LAMC1: variants seen among roughly 807,000 people sequenced by gnomAD.
LAMC1 encodes laminin subunit gamma-1.
In LAMC1, 38 loss-of-function variants were observed where a neutral mutation model predicts 173.6. The observed-to-expected ratio is 0.22, with a 90% CI of 0.17 to 0.29. The LOEUF (loss-of-function observed/expected upper bound fraction) is 0.29. LAMC1 is among the 10% of genes least tolerant of loss of function. The pLI is 1.00. For missense variants in LAMC1, 1,824 were observed against 2,051.8 expected (o/e 0.89, Z 2.14); for synonymous variants, 746 against 749.1 (o/e 1.00, Z 0.07).
At chr1:183,119,172 C>T (rs1233467768) in intron 11 of LAMC1, among the ~76,000 whole-genome samples, 2 of 152,136 alleles carry the variant, frequency 1.3e-5, no homozygotes, top group Non-Finnish European at 2.9e-5. Context: ...GCTGGGATTA[C>T]AGGCATGAGC....
At chr1:183,103,695 T>A in intron 2 of LAMC1, 63 bp downstream of exon 2, 1 of 1,426,772 alleles carries the variant, frequency 7.0e-7, no homozygotes. Context: ...GTGGGAAGAT[T>A]ATTGTAGTGG....
intron 1 of LAMC1, among the ~76,000 whole-genome samples, chr1:183,031,171 T>C (rs1353050891): frequency 6.6e-6 from 1 of 152,238 alleles, no homozygotes; most frequent in East Asian, 1.9e-4. Context: ...GCATACTGTT[T>C]CTTTAGGATA....
rs1656986894 is a variant in LAMC1 at position 183,137,735 on chromosome 1, G to A, written c.4381G>A (p.Val1461Met). 1.2e-6 allele frequency: 2 copies of A among 1,612,246 alleles called. No homozygotes were observed. Among genetic ancestry groups the A allele is most frequent in the Admixed American group, 1.7e-5 (1 of 59,722 alleles). ...AGAAGTTACAGATCTGGATAATGAG[G>A]TGAACAATATGTTGAAGCAACTGCA... ...FAEVTDLDNE[V>M]NNMLKQLQEA... Residue 1461 changes from valine (V) to methionine (M), a missense_variant, in exon 26 of 28, where the codon GTG becomes ATG. Val to Met is a conservative substitution (Grantham distance 21, BLOSUM62 1). Transcript: ENST00000258341.
At chr1:183,099,342 G>A (rs983779095) in intron 1 of LAMC1, among the ~76,000 whole-genome samples, 2 of 151,946 alleles carry the variant, frequency 1.3e-5, no homozygotes, top group African/African-American at 4.8e-5. Context: ...TGCCTGCCTC[G>A]GCCTCCCAAA....
At chr1:183,029,240 T>C (rs1653782052) in intron 1 of LAMC1, among the ~76,000 whole-genome samples, 1 of 152,202 alleles carries the variant, frequency 6.6e-6, no homozygotes, top group Admixed American at 6.5e-5. Context: ...ATCCAGACAC[T>C]ATGTGTCTTG....
rs1656945787 is a variant in LAMC1 at position 183,136,502 on chromosome 1, G to T, written c.4231G>T (p.Ala1411Ser). The change falls in exon 25 of 28, where the codon GCC becomes TCC. Residue 1411 changes from alanine to serine, a missense_variant. Coordinates refer to ENST00000258341, the MANE Select transcript of LAMC1 (RefSeq NM_002293.4). ...ANEKTREAQQ[A>S]LGSAAADATE... ...TGAAAAGACCAGAGAAGCCCAGCAG[G>T]CCCTGGGCAGTGCTGCGGCGGATGC... The T allele has an allele frequency of 6.2e-7, 1 of 1,614,014 alleles. No homozygotes were observed. Among genetic ancestry groups the T allele is most frequent in the South Asian group, 1.1e-5 (1 of 91,086 alleles).
At position 183,024,123 on chromosome 1, in the gene LAMC1, C is replaced by T; in HGVS notation, c.407C>T (p.Thr136Met). 3.1e-6 allele frequency: 5 copies of T among 1,587,340 alleles called. No individual in the cohort carries two copies. The highest frequency in any genetic ancestry group is 2.3e-5 in the East Asian group (1 of 43,234). The change falls in exon 1 of 28, where the codon ACG becomes ATG. Residue 136 changes from threonine (T) to methionine (M), a missense_variant. Transcript: ENST00000258341. ...CAGTACCCCAGCTCCATCAACCTCA[C>T]GCTGCACCTGGGTAAGCGGTGACAG... is the stretch of plus-strand genomic sequence containing the variant. ...GVQYPSSINL[T>M]LHLGKAFDIT... is the part of the protein sequence containing the mutation.
intron 11 of LAMC1, 80 bp downstream of exon 11, chr1:183,118,226 T>C: frequency 2.5e-6 from 2 of 803,710 alleles, no homozygotes; most frequent in Non-Finnish European, 4.2e-6. Flanking sequence ...AAAGTTTCTC[T>C]TTCCTAATAA....
chr1:183,028,727 G>GT (rs1255566999), intron 1 of LAMC1, among the ~76,000 whole-genome samples: 90 of 152,266 alleles, frequency 5.9e-4, no homozygotes, highest in Non-Finnish European at 2.4e-4. Flanking sequence ...GGTTTTCCTT[G>GT]TTTTTTCTTC....
chr1:183,108,161 A>AG lies in LAMC1; in HGVS notation c.724-115_724-114insG, dbSNP rs3835273. 515,229 of 928,140 alleles carry AG rather than the reference A, an allele frequency of 0.56. 147,501 individuals are homozygous for AG. The highest frequency in any genetic ancestry group is 0.65 in the South Asian group (45,345 of 69,896). The allele number at this position is 928,140 out of a possible 1,614,324, so 57.5% of individuals were successfully genotyped here. On this transcript the variant is annotated intron_variant, in intron 2 of 27. Transcript: ENST00000258341. ...TGAGTATTATAATAGATTTAGTGCT[A>AG]AAGAGGGCGTAAGTTAAATGATAAT...
At chr1:183,052,902 C>T (rs1018478230) in intron 1 of LAMC1, among the ~76,000 whole-genome samples, 2 of 152,102 alleles carry the variant, frequency 1.3e-5, no homozygotes, top group Non-Finnish European at 2.9e-5. Flanking sequence ...CTAATGTTCT[C>T]TAGGATTGAT....
chr1:183,063,716 A>G (rs1654796584), intron 1 of LAMC1, among the ~76,000 whole-genome samples: 1 of 152,240 alleles, frequency 6.6e-6, no homozygotes, highest in African/African-American at 2.4e-5. Flanking sequence ...CTGTCTCATC[A>G]ATTCCATTTG....
intron 2 of LAMC1, 101 bp from the exon 3 acceptor site, chr1:183,108,175 T>A: frequency 9.0e-7 from 1 of 1,110,174 alleles, no homozygotes; most frequent in Non-Finnish European, 1.3e-6. Flanking sequence ...AGGGCGTAAG[T>A]TAAATGATAA....
chr1:183,135,717 A>AT (rs1656920288), intron 24 of LAMC1, among the ~76,000 whole-genome samples: 1 of 151,444 alleles, frequency 6.6e-6, no homozygotes, highest in Admixed American at 6.6e-5. Context: ...CCCCATCTCT[A>AT]TAAAAAAAAA....
chr1:183,056,435 A>G (rs1326405323), intron 1 of LAMC1, among the ~76,000 whole-genome samples: 2 of 152,068 alleles, frequency 1.3e-5, no homozygotes, highest in Non-Finnish European at 2.9e-5. Context: ...ACCTTACCAA[A>G]TCTGGTGTGT....
At chr1:183,117,070 G>A (rs990249568) in intron 8 of LAMC1, 167 bp downstream of exon 8, 3 of 758,968 alleles carry the variant, frequency 4.0e-6, no homozygotes, top group African/African-American at 1.8e-5. Context: ...TAATGAAAAT[G>A]TACTTTTGGC....
In LAMC1 at chr1:183,137,926, TC is replaced by T. The variant is rs1220892865; in HGVS notation, c.4473+100del. ...GAGAAGAGTCTTTTTTATATTGACT[TC>T]TGTTTTTCATCACATTGTCTCGTCA... On this transcript the variant is annotated intron_variant, in intron 26 of 27. Coordinates refer to ENST00000258341, the MANE Select transcript of LAMC1 (RefSeq NM_002293.4). 5.6e-6 allele frequency: 6 copies of T among 1,077,150 alleles called. No homozygotes were observed. In the Admixed American group the frequency reaches 1.7e-4, roughly 31 times the overall value. 66.7% of individuals were successfully genotyped at this position (1,077,150 alleles called of 1,614,324 possible). A position where few individuals can be genotyped will look rare whatever the true frequency, so the allele number is the denominator to read the frequency against.
chr1:183,140,266 G>GAAA, intron 26 of LAMC1, 138 bp from the exon 27 acceptor site: 1 of 77,506 alleles, frequency 1.3e-5, no homozygotes, highest in Non-Finnish European at 2.5e-5. Flanking sequence ...AAAAAAAAAA[G>GAAA]CAATGAGAGG....
At chr1:183,108,808 C>G (rs1389856495) in intron 3 of LAMC1, among the ~76,000 whole-genome samples, 2 of 152,148 alleles carry the variant, frequency 1.3e-5, no homozygotes, top group African/African-American at 4.8e-5. Context: ...TATGTGAAAA[C>G]TGAAATACTT....
Sources: gnomAD v4.1 joint callset for allele counts (sites outside exome capture counted in the v4.1 genomes callset) on GRCh38, gnomAD v4.1.1 for gene constraint, MANE v1.5 for transcripts, NCBI Gene and HGNC (gene_info 2026-07-23, HGNC 2026-07-21) for gene names.